PCCA: variants seen among roughly 807,000 people sequenced by gnomAD.
PCCA encodes propionyl-CoA carboxylase alpha chain, mitochondrial.
PCCA carries 74 observed loss-of-function variants against 101.3 expected under a neutral mutation model. The observed-to-expected ratio is 0.73, with a 90% CI of 0.61 to 0.89. The LOEUF (loss-of-function observed/expected upper bound fraction) is 0.89. Among genes scored for constraint, PCCA ranks in the 40% least tolerant of loss-of-function variants. PCCA has a pLI of 0.00. For synonymous variants in PCCA, 294 were observed against 313.6 expected, an observed-to-expected ratio of 0.94 and a Z score of 0.66; for missense variants, 891 against 907.0, an observed-to-expected ratio of 0.98 and a Z score of 0.23.
At chr13:100,111,401 T>A (rs1424323269) in intron 2 of PCCA, among the ~76,000 whole-genome samples, 1 of 151,960 alleles carries the variant, frequency 6.6e-6, no homozygotes, top group Non-Finnish European at 1.5e-5. Context: ...GACCTCGTGA[T>A]CCACCTGCCT....
intron 2 of PCCA, 66 bp downstream of exon 2, chr13:100,103,026 C>CACTGA: frequency 9.7e-7 from 1 of 1,030,578 alleles, no homozygotes; most frequent in Non-Finnish European, 1.5e-6. Flanking sequence ...TTCTCGTCTC[C>CACTGA]ACACTGTGTT....
chr13:100,149,812 A>G (rs2152368629), intron 4 of PCCA: 1 of 152,298 alleles, frequency 6.6e-6, no homozygotes, highest in Non-Finnish European at 1.5e-5. Context: ...TACCTTTCTC[A>G]GTATGTACTA....
At chr13:100,205,528 T>C (rs1298743218) in intron 6 of PCCA, among the ~76,000 whole-genome samples, 1 of 140,322 alleles carries the variant, frequency 7.1e-6, no homozygotes, top group Non-Finnish European at 1.5e-5. Flanking sequence ...CACTAAATAC[T>C]TGATATAAGC....
At chr13:100,113,834 C>T (rs1275945484) in intron 4 of PCCA, among the ~76,000 whole-genome samples, 3 of 152,192 alleles carry the variant, frequency 2.0e-5, no homozygotes, top group Non-Finnish European at 2.9e-5. Context: ...CTGCTTTGGC[C>T]TCCCAACGTG....
Position 100,386,205 on chromosome 13 carries a change from A to G in PCCA, c.1746+17631A>G, listed in dbSNP as rs905682860. 6.6e-5 allele frequency among the ~76,000 whole-genome samples: 10 copies of G among 152,192 alleles called. No individual in the cohort carries two copies. The East Asian group carries it at 7.7e-4, about 12-fold the overall frequency. ...TCACAGGACTATTTTAAAGAATACT[A>G]TGTTTCTCCCTGCTATTGGTTTAAG... On this transcript the variant is annotated intron_variant, in intron 19 of 23. Coordinates refer to ENST00000376285, the MANE Select transcript of PCCA (RefSeq NM_000282.4).
intron 19 of PCCA, among the ~76,000 whole-genome samples, chr13:100,405,897 G>A (rs967548936): frequency 1.3e-5 from 2 of 150,928 alleles, no homozygotes; most frequent in Admixed American, 1.3e-4. Flanking sequence ...CTCCCGAGTA[G>A]CTGGAATTAA....
chr13:100,119,667 C>T (rs2049171062), intron 4 of PCCA, among the ~76,000 whole-genome samples: 1 of 151,890 alleles, frequency 6.6e-6, no homozygotes, highest in Admixed American at 6.6e-5. Context: ...AGGTTGATTC[C>T]TCCCCCACAA....
At chr13:100,246,426 C>T (rs1350958884) in intron 8 of PCCA, among the ~76,000 whole-genome samples, 1 of 152,156 alleles carries the variant, frequency 6.6e-6, no homozygotes, top group Non-Finnish European at 1.5e-5. Context: ...CCTCCCACCT[C>T]AGCCACTGGA....
At chr13:100,273,582 G>GT (rs2063455178) in intron 12 of PCCA, among the ~76,000 whole-genome samples, 1 of 151,994 alleles carries the variant, frequency 6.6e-6, no homozygotes, top group African/African-American at 2.4e-5. Context: ...ATACCACTTT[G>GT]TTTTTTTCTT....
At chr13:100,286,335 C>T (rs896166047) in intron 12 of PCCA, among the ~76,000 whole-genome samples, 10 of 152,184 alleles carry the variant, frequency 6.6e-5, no homozygotes, top group African/African-American at 1.9e-4. Flanking sequence ...CCCTCACGCA[C>T]GTGGCCCCTG....
chr13:100,143,546 A>T lies in PCCA; in HGVS notation c.301-11433A>T, dbSNP rs574127453. ...CGAGACTCTGCATCCACAAAAAAAA[A>T]AAAATAAAAAAAAAAAATAAAAATC... On this transcript the variant is annotated intron_variant, in intron 4 of 23. Transcript: ENST00000376285. 9.7e-4 allele frequency among the ~76,000 whole-genome samples: 140 copies of T among 143,680 alleles called. 1 individual carries two copies. The highest frequency in any genetic ancestry group is 4.9e-3 in the South Asian group (23 of 4,702). The allele number at this position is 143,680 out of a possible 152,430, so 94.3% of individuals were successfully genotyped here.
At chr13:100,455,644 T>C (rs1403641516) in intron 21 of PCCA, among the ~76,000 whole-genome samples, 3 of 152,180 alleles carry the variant, frequency 2.0e-5, no homozygotes, top group Non-Finnish European at 4.4e-5. Context: ...TTCTCACTAC[T>C]ACCCGAAGCA....
intron 16 of PCCA, among the ~76,000 whole-genome samples, chr13:100,314,973 C>T (rs1348448972): frequency 6.6e-6 from 1 of 152,070 alleles, no homozygotes; most frequent in African/African-American, 2.4e-5. Flanking sequence ...GATTTTGATC[C>T]TTGTACTGTG....
In PCCA at chr13:100,422,070, T is replaced by TCTTTCTTTCTTTC. The variant is rs1555454058; in HGVS notation, c.1747-3563_1747-3562insCTTTCTTTCTTTC. On this transcript the variant is annotated intron_variant, in intron 19 of 23. Transcript: ENST00000376285. ...TCTTTTCCTTTTCTCTTCTCTTTTC[T>TCTTTCTTTCTTTC]TTTCTTTCTTTCTTTCTTTCTTTCT... Among the ~76,000 whole-genome samples, 338 of 110,704 alleles carry TCTTTCTTTCTTTC rather than the reference T, an allele frequency of 3.1e-3. 8 individuals carry two copies. Among genetic ancestry groups the TCTTTCTTTCTTTC allele is most frequent in the African/African-American group, 0.011 (307 of 28,820 alleles). The allele number at this position is 110,704 out of a possible 152,430, so 72.6% of individuals were successfully genotyped here. A position where few individuals can be genotyped will look rare whatever the true frequency, so the allele number is the denominator to read the frequency against.
At chr13:100,267,888 T>A (rs898102994) in intron 10 of PCCA, among the ~76,000 whole-genome samples, 1 of 152,190 alleles carries the variant, frequency 6.6e-6, no homozygotes, top group African/African-American at 2.4e-5. Context: ...TAGCTGGATA[T>A]CTTGTATTTT....
intron 19 of PCCA, among the ~76,000 whole-genome samples, chr13:100,408,521 A>T (rs2077823248): frequency 1.3e-5 from 2 of 152,162 alleles, no homozygotes; most frequent in African/African-American, 4.8e-5. Flanking sequence ...GTTTAGGCCA[A>T]ATTAATTAGA....
chr13:100,388,547 G>A (rs748791360), intron 19 of PCCA, among the ~76,000 whole-genome samples: 23 of 152,314 alleles, frequency 1.5e-4, no homozygotes, highest in Non-Finnish European at 3.1e-4. Context: ...TGTAATCCCA[G>A]CACTTTGGGA....
intron 23 of PCCA, among the ~76,000 whole-genome samples, chr13:100,529,656 C>T (rs1012082434): frequency 6.6e-6 from 1 of 152,124 alleles, no homozygotes; most frequent in Admixed American, 6.5e-5. Flanking sequence ...ATCTGACTGT[C>T]GTGTGTTTTG....
chr13:100,363,071 A>C (rs1390350681), intron 18 of PCCA, among the ~76,000 whole-genome samples: 1 of 152,138 alleles, frequency 6.6e-6, no homozygotes. Context: ...TATGCTTTTT[A>C]TATTCATTTT....
Sources: gnomAD v4.1 joint callset for allele counts (sites outside exome capture counted in the v4.1 genomes callset) on GRCh38, gnomAD v4.1.1 for gene constraint, MANE v1.5 for transcripts, NCBI Gene and HGNC (gene_info 2026-07-23, HGNC 2026-07-21) for gene names.